The following LAMA4 variants were observed in gnomAD, a reference collection of about 807,000 sequenced individuals.
LAMA4 encodes the protein laminin subunit alpha 4.
A neutral mutation model predicts 207.1 loss-of-function variants in LAMA4; 127 were observed. That is an observed-to-expected ratio of 0.61 (90% CI 0.53 to 0.71). LAMA4 has a LOEUF of 0.71. Ranked by LOEUF, LAMA4 falls within the 30% of genes least tolerant of loss-of-function variation. The pLI, the probability that LAMA4 is intolerant of heterozygous loss-of-function variation, is 0.00. For synonymous variants in LAMA4, 761 were observed against 816.0 expected, an observed-to-expected ratio of 0.93 and a Z score of 1.15; for missense variants, 2,093 against 2,246.5, an observed-to-expected ratio of 0.93 and a Z score of 1.38.
intron 38 of LAMA4, 123 bp downstream of exon 38, chr6:112,113,953 C>CTTTTAATGGAATAAAATATAA (rs1777855540): frequency 9.0e-7 from 1 of 1,108,144 alleles, no homozygotes; most frequent in Admixed American, 1.7e-5. Flanking sequence ...TTAAACAACA[C>CTTTTAATGGAATAAAATATAA]TGTATATAAA....
chr6:112,201,885 G>A (rs953435773), intron 4 of LAMA4, among the ~76,000 whole-genome samples, 197 bp from the exon 5 acceptor site: 3 of 152,136 alleles, frequency 2.0e-5, no homozygotes, highest in African/African-American at 7.2e-5. Context: ...GCCACTTGTT[G>A]GTGGGACCAT....
At position 112,136,351 on chromosome 6, in the gene LAMA4, T is replaced by C. The variant is rs139572366; in HGVS notation, c.3283-97A>G. 461 of 957,582 alleles carry C rather than the reference T, an allele frequency of 4.8e-4. 3 individuals carry two copies. In the African/African-American group the frequency reaches 6.8e-3, roughly 14 times the overall value. 59.3% of individuals were successfully genotyped at this position (957,582 alleles called of 1,614,324 possible). On this transcript the variant is annotated intron_variant, in intron 24 of 38. Coordinates refer to ENST00000230538, the MANE Select transcript of LAMA4 (RefSeq NM_001105206.3). ...GAAATAAGACTGTATTCTTTATTAC[T>C]GGAACTATTTGAAGACTAAGAAAGT...
rs781920173 is a variant in LAMA4 at position 112,129,958 on chromosome 6, T to C, written c.4051A>G (p.Lys1351Glu). Residue 1351 changes from lysine to glutamate, a missense_variant, in exon 30 of 39, where the codon AAG (lysine) becomes GAG (glutamate). By Grantham distance (56) the Lys-to-Glu change is moderately conservative (BLOSUM62 1). This residue lies in a region of LAMA4 where 1,704 missense variants were observed against 1,788.4 expected (regional missense o/e 0.95). Coordinates refer to ENST00000230538, the MANE Select transcript of LAMA4 (RefSeq NM_001105206.3). Reference protein sequence around the residue: ...GKIEQTQASEKKFYFGGSPIS... With the variant: ...GKIEQTQASEEKFYFGGSPIS... ...GGTGAGCCACCGAAGTAAAACTTCT[T>C]TTCACTTGCTTGTGTCTGTTCTATT... The C allele has an allele frequency of 4.3e-6, 7 of 1,613,290 alleles. No homozygotes were observed. The highest frequency in any genetic ancestry group is 1.6e-4 in the Middle Eastern group (1 of 6,082).
At chr6:112,215,232 T>C (rs1248064151) in intron 3 of LAMA4, among the ~76,000 whole-genome samples, 1 of 152,074 alleles carries the variant, frequency 6.6e-6, no homozygotes, top group African/African-American at 2.4e-5. Flanking sequence ...TTTAAGAAGA[T>C]GGGGGAAGGG....
At chr6:112,140,720 G>A (rs1381086434) in intron 22 of LAMA4, 40 bp downstream of exon 22, 5 of 1,590,724 alleles carry the variant, frequency 3.1e-6, no homozygotes, top group East Asian at 2.2e-5. Context: ...AACAATTACT[G>A]TAGATTTGTA....
intron 2 of LAMA4, among the ~76,000 whole-genome samples, chr6:112,243,963 C>T (rs1554188195): frequency 1.3e-5 from 2 of 152,138 alleles, no homozygotes; most frequent in Non-Finnish European, 2.9e-5. Context: ...GAGGCTGAGG[C>T]AGGAGAATCA....
chr6:112,180,554 T>C (rs1782295311), intron 9 of LAMA4, among the ~76,000 whole-genome samples: 1 of 152,186 alleles, frequency 6.6e-6, no homozygotes, highest in Non-Finnish European at 1.5e-5. Context: ...TGTAAACTAG[T>C]TGGTGGTTTA....
At chr6:112,250,550 T>A (rs1787368422) in intron 2 of LAMA4, among the ~76,000 whole-genome samples, 1 of 152,208 alleles carries the variant, frequency 6.6e-6, no homozygotes, top group Non-Finnish European at 1.5e-5. Context: ...TTTTCCCCTC[T>A]GAGGGGCAAC....
chr6:112,131,141 G>T, intron 28 of LAMA4, 40 bp from the exon 29 acceptor site: 1 of 1,602,844 alleles, frequency 6.2e-7, no homozygotes, highest in Non-Finnish European at 8.5e-7. Flanking sequence ...GGAGTCTAGG[G>T]ATCCAAAAGA....
At chr6:112,207,374 T>C (rs1343635544) in intron 3 of LAMA4, among the ~76,000 whole-genome samples, 2 of 152,140 alleles carry the variant, frequency 1.3e-5, no homozygotes, top group Non-Finnish European at 2.9e-5. Flanking sequence ...GTGTGTGTGC[T>C]AGTAGCCTGG....
chr6:112,147,285 C>T (rs955478457), intron 18 of LAMA4, among the ~76,000 whole-genome samples: 2 of 152,076 alleles, frequency 1.3e-5, no homozygotes, highest in Non-Finnish European at 2.9e-5. Context: ...TGAGTGGTTA[C>T]ATGGAAGAAA....
chr6:112,158,955 A>G lies in LAMA4; in HGVS notation c.1669-75T>C. The G allele has an allele frequency of 4.0e-6, 4 of 1,007,714 alleles. No homozygotes were observed. In the South Asian group the frequency reaches 4.1e-5, roughly 10 times the overall value. The allele number at this position is 1,007,714 out of a possible 1,614,324, so 62.4% of individuals were successfully genotyped here. A position where few individuals can be genotyped will look rare whatever the true frequency, so the allele number is the denominator to read the frequency against. On this transcript the variant is annotated intron_variant, in intron 13 of 38. Coordinates refer to ENST00000230538, the MANE Select transcript of LAMA4 (RefSeq NM_001105206.3). ...CATTTTTCCTAGGCACCAAAAGATA[A>G]TCTCTGTTCTTTCTTATTATGAAGG...
In LAMA4 at chr6:112,133,341, G is replaced by T. The variant is rs782714768; in HGVS notation, c.3696+8C>A. Reference sequence around the variant, plus strand: ...CTATTAAAAAGCTTTTGACTGAGTGGTTCTTACAAGTGAGTCTTCTGGGCA... The same window carrying T: ...CTATTAAAAAGCTTTTGACTGAGTGTTTCTTACAAGTGAGTCTTCTGGGCA... On this transcript the variant is annotated splice_region_variant and intron_variant, in intron 27 of 38. Coordinates refer to ENST00000230538, the MANE Select transcript of LAMA4 (RefSeq NM_001105206.3). The T allele has an allele frequency of 6.2e-7, 1 of 1,613,548 alleles. No homozygotes were observed. Among genetic ancestry groups the T allele is most frequent in the East Asian group, 2.2e-5 (1 of 44,880 alleles).
At chr6:112,222,437 G>A (rs1554360846) in intron 2 of LAMA4, among the ~76,000 whole-genome samples, 1 of 152,116 alleles carries the variant, frequency 6.6e-6, no homozygotes, top group African/African-American at 2.4e-5. Context: ...TGTGCTTACT[G>A]CTCAGGCCCC....
At chr6:112,248,041 TAG>T (rs1472664154) in intron 2 of LAMA4, among the ~76,000 whole-genome samples, 1 of 152,168 alleles carries the variant, frequency 6.6e-6, no homozygotes, top group Non-Finnish European at 1.5e-5. Context: ...GTTAAATTCA[TAG>T]AGACAAAGTA....
At chr6:112,200,694 A>C (rs1186087051) in intron 5 of LAMA4, among the ~76,000 whole-genome samples, 4 of 152,238 alleles carry the variant, frequency 2.6e-5, no homozygotes, top group African/African-American at 9.6e-5. Flanking sequence ...ATGGAATACT[A>C]TGCAGTCATA....
At chr6:112,241,162 A>AATATATATGAATATATATGAAT (rs1786450348) in intron 2 of LAMA4, among the ~76,000 whole-genome samples, 9 of 55,550 alleles carry the variant, frequency 1.6e-4, no homozygotes, top group South Asian at 5.2e-4. Flanking sequence ...TATATATATG[A>AATATATATGAATATATATGAAT]ATATATATGA....
chr6:112,239,426 G>A (rs1003783449), intron 2 of LAMA4, among the ~76,000 whole-genome samples: 7 of 151,462 alleles, frequency 4.6e-5, no homozygotes, highest in Non-Finnish European at 8.8e-5. Context: ...GGCAGCCCCA[G>A]CAGACTAATA....
chr6:112,170,222 T>A (rs1250351973), intron 12 of LAMA4, among the ~76,000 whole-genome samples: 2 of 152,210 alleles, frequency 1.3e-5, no homozygotes, highest in Non-Finnish European at 2.9e-5. Flanking sequence ...AGGTCTTGCT[T>A]TTTTCTCAGC....
Sources: gnomAD v4.1 joint callset for allele counts (sites outside exome capture counted in the v4.1 genomes callset) on GRCh38, gnomAD v4.1.1 for gene constraint, gnomAD v4.1.1 regional missense constraint, MANE v1.5 for transcripts, NCBI Gene and HGNC (gene_info 2026-07-23, HGNC 2026-07-21) for gene names.